Variants in SORBS3 observed in about 807,000 individuals in gnomAD.
SORBS3 encodes the protein sorbin and SH3 domain containing 3.
Under a neutral mutation model 98.0 loss-of-function variants are expected in SORBS3, and 69 were observed. The ratio of observed to expected loss-of-function variants is 0.70; its 90% CI spans 0.58 to 0.86. The LOEUF (loss-of-function observed/expected upper bound fraction) is 0.86. Among genes scored for constraint, SORBS3 ranks in the 40% least tolerant of loss-of-function variants. The pLI is 0.00. For missense variants in SORBS3, 954 were observed against 908.5 expected (o/e 1.05, Z -0.64); for synonymous variants, 394 against 355.4 (o/e 1.11, Z -1.22).
At chr8:22,553,272 A>T (rs2117207892) in intron 1 of SORBS3, among the ~76,000 whole-genome samples, 1 of 152,004 alleles carries the variant, frequency 6.6e-6, no homozygotes, top group South Asian at 2.1e-4. Context: ...AGATTCCAAC[A>T]CACACATACA....
At chr8:22,571,850 G>A in intron 19 of SORBS3, 29 bp downstream of exon 19, 2 of 1,483,002 alleles carry the variant, frequency 1.3e-6, no homozygotes, top group Non-Finnish European at 1.9e-6. Context: ...CTCTTGATCA[G>A]ACGTGGGGGG....
At chr8:22,569,395 A>T (rs1358206738) in intron 17 of SORBS3, 122 bp downstream of exon 17, 13 of 860,186 alleles carry the variant, frequency 1.5e-5, no homozygotes, top group East Asian at 3.4e-5. Flanking sequence ...GCTGTAGCGC[A>T]GTGGTGCCAT....
chr8:22,546,924 G>C (rs1289005089), intron 1 of SORBS3, among the ~76,000 whole-genome samples: 1 of 152,114 alleles, frequency 6.6e-6, no homozygotes, highest in Non-Finnish European at 1.5e-5. Flanking sequence ...GGAGAGGAAA[G>C]TGTGTCAGTG....
At chr8:22,573,237 G>C (rs181967996) in intron 20 of SORBS3, 150 of 437,784 alleles carry the variant, frequency 3.4e-4, no homozygotes, top group African/African-American at 2.9e-3. Flanking sequence ...ACCTTCTAGT[G>C]GGGGAGGGAG....
At chr8:22,553,812 G>A (rs1430465880) in intron 1 of SORBS3, among the ~76,000 whole-genome samples, 2 of 152,228 alleles carry the variant, frequency 1.3e-5, no homozygotes, top group Non-Finnish European at 2.9e-5. Flanking sequence ...CCCACCCGGA[G>A]CCCTCTGAGT....
intron 7 of SORBS3, among the ~76,000 whole-genome samples, chr8:22,563,637 G>A (rs1840342198): frequency 6.6e-6 from 1 of 152,224 alleles, no homozygotes; most frequent in African/African-American, 2.4e-5. Context: ...AAGGCCCACA[G>A]GAGAGGGTCG....
At chr8:22,569,667 T>G (rs1421434732) in intron 17 of SORBS3, among the ~76,000 whole-genome samples, 1 of 152,158 alleles carries the variant, frequency 6.6e-6, no homozygotes, top group African/African-American at 2.4e-5. Flanking sequence ...AAGAGTCCGA[T>G]GTACCTAGCT....
At chr8:22,558,789 G>A (rs1416798691) in intron 5 of SORBS3, among the ~76,000 whole-genome samples, 1 of 152,248 alleles carries the variant, frequency 6.6e-6, no homozygotes, top group East Asian at 1.9e-4. Context: ...CTTCACCCAG[G>A]AGCGGCCAGG....
chr8:22,551,376 G>T (rs1190343466), upstream of SORBS3, among the ~76,000 whole-genome samples: 1 of 152,000 alleles, frequency 6.6e-6, no homozygotes, highest in East Asian at 2.0e-4. The surrounding 1 kb of genome is among the most constrained non-coding windows in gnomAD (Gnocchi z 5.8). Context: ...CCCTCATCTC[G>T]CTCCCGGCCT....
chr8:22,561,722 G>C, intron 6 of SORBS3, 143 bp from the exon 7 acceptor site: 1 of 731,592 alleles, frequency 1.4e-6, no homozygotes, highest in African/African-American at 1.7e-5. Context: ...GTGTCCCTGA[G>C]CACCAACCAC....
Position 22,575,337 on chromosome 8 carries a change from G to T in SORBS3, c.*609G>T, listed in dbSNP as rs1563848814. 1 of 228,642 alleles carries T rather than the reference G, an allele frequency of 4.4e-6. No individual in the cohort carries two copies. Among genetic ancestry groups the T allele is most frequent in the Admixed American group, 5.6e-5 (1 of 17,928 alleles). 14.2% of individuals were successfully genotyped at this position (228,642 alleles called of 1,614,324 possible). On this transcript the variant is annotated 3_prime_UTR_variant, in exon 21 of 21. Transcript: ENST00000240123. ...CAGGGGCTGCCAAGTCCTGGCCCTG[G>T]CCCTGGCATATCACCCCGCACTGTG...
Position 22,569,183 on chromosome 8 carries a change from G to GC in SORBS3, c.1346dup (p.Thr450AspfsTer66). 2 of 1,611,414 alleles carry GC rather than the reference G, an allele frequency of 1.2e-6. No individual in the cohort carries two copies. The highest frequency in any genetic ancestry group is 1.7e-6 in the Non-Finnish European group (2 of 1,178,692). On this transcript the variant is annotated frameshift_variant, in exon 17 of 21. Transcript: ENST00000240123. LOFTEE classifies it high-confidence loss of function. ...CAGATGAGATCCCTAAGCCCATCAA[G>GC]CCCCCGACCTACCAGGTGCTGGAGT...
rs373632222 is a variant in SORBS3, at chr8:22,554,110, G to A, written c.-55-342G>A. ...CCCACTTCCCCTGCGCCTTCCCTCC[G>A]GGGGAGTGGGGAAGCCAGCTGCACC... On this transcript the variant is annotated intron_variant, in intron 1 of 20. Transcript: ENST00000240123. The surrounding 1 kb of genome is among the most constrained non-coding windows in gnomAD (Gnocchi z 6.5). 4.0e-5 allele frequency: 7 copies of A among 173,138 alleles called. No individual in the cohort carries two copies. The highest frequency in any genetic ancestry group is 1.6e-4 in the South Asian group (1 of 6,432). 10.7% of individuals were successfully genotyped at this position (173,138 alleles called of 1,614,324 possible).
At chr8:22,547,889 C>A (rs927211164), upstream of SORBS3, among the ~76,000 whole-genome samples, 4 of 152,178 alleles carry the variant, frequency 2.6e-5, no homozygotes, top group Non-Finnish European at 4.4e-5. Flanking sequence ...TGAGGACAGG[C>A]GGGATAAATT....
At chr8:22,569,044 G>A in intron 16 of SORBS3, 104 bp from the exon 17 acceptor site, 1 of 1,264,938 alleles carries the variant, frequency 7.9e-7, no homozygotes, top group Non-Finnish European at 1.1e-6. Context: ...TCTTTTCTCT[G>A]CCTAGGGGCG....
chr8:22,573,087 G>A (rs1297025520), intron 20 of SORBS3, among the ~76,000 whole-genome samples: 1 of 152,114 alleles, frequency 6.6e-6, no homozygotes, highest in Non-Finnish European at 1.5e-5. Context: ...AGCAGGCTTT[G>A]AAGCCTGAGG....
chr8:22,566,336 C>G lies in SORBS3; in HGVS notation c.951-9C>G. ...CAGGCTGGAGGCTCAGTCTCTGTGC[C>G]CCGTGCAGCCCGGCCTCAGCCTGGA... On this transcript the variant is annotated splice_polypyrimidine_tract_variant and intron_variant, in intron 12 of 20. Coordinates refer to ENST00000240123, the MANE Select transcript of SORBS3 (RefSeq NM_005775.5). The G allele has an allele frequency of 6.2e-7, 1 of 1,612,192 alleles. No homozygotes were observed. Among genetic ancestry groups the G allele is most frequent in the African/African-American group, 1.3e-5 (1 of 75,032 alleles).
intron 5 of SORBS3, among the ~76,000 whole-genome samples, chr8:22,560,073 G>C (rs1429101310): frequency 3.5e-5 from 5 of 143,930 alleles, no homozygotes; most frequent in African/African-American, 1.3e-4. Context: ...AAAAAAAAAA[G>C]AAGAGAGAGA....
intron 9 of SORBS3, 22 bp from the exon 10 acceptor site, chr8:22,564,446 A>T: frequency 6.2e-7 from 1 of 1,614,066 alleles, no homozygotes; most frequent in Non-Finnish European, 8.5e-7. Flanking sequence ...ACCTGCTCTG[A>T]CACACCCTTT....
Sources: allele counts gnomAD v4.1 joint callset (sites outside exome capture counted in the v4.1 genomes callset), GRCh38; gene constraint gnomAD v4.1.1; non-coding constraint Gnocchi (gnomAD v3.1); transcripts MANE v1.5; gene names NCBI Gene and HGNC (gene_info 2026-07-23, HGNC 2026-07-21).